Variants in THRB observed in about 807,000 individuals in gnomAD.
THRB encodes thyroid hormone receptor beta.
Under a neutral mutation model 47.8 loss-of-function variants are expected in THRB, and 12 were observed. The ratio of observed to expected loss-of-function variants is 0.25; its 90% confidence interval spans 0.16 to 0.41. The LOEUF (loss-of-function observed/expected upper bound fraction) is 0.41. Ranked by LOEUF, THRB falls within the 10% of genes least tolerant of loss-of-function variation. The probability of loss-of-function intolerance (pLI) is 1.00; values close to 1 mark genes in which losing one functional copy is unlikely to be tolerated. For synonymous variants in THRB, 218 were observed against 212.2 expected, an observed-to-expected ratio of 1.03 and a Z score of -0.24; for missense variants, 348 against 589.2, an observed-to-expected ratio of 0.59 and a Z score of 4.24.
chr3:24,289,006 C>T (rs2055635708), intron 3 of THRB, among the ~76,000 whole-genome samples: 2 of 152,108 alleles, frequency 1.3e-5, no homozygotes, highest in African/African-American at 4.8e-5. Context: ...GGAAATAAAG[C>T]CCTTCTGATT....
intron 3 of THRB, among the ~76,000 whole-genome samples, chr3:24,245,757 A>G (rs1308713411): frequency 6.6e-6 from 1 of 152,122 alleles, no homozygotes; most frequent in Non-Finnish European, 1.5e-5. Flanking sequence ...TACTAAAAAT[A>G]CAAAAATTAG....
chr3:24,341,447 T>C (rs1461717979), intron 1 of THRB, among the ~76,000 whole-genome samples: 1 of 152,038 alleles, frequency 6.6e-6, no homozygotes, highest in Non-Finnish European at 1.5e-5. Flanking sequence ...TTGCCCAGGC[T>C]GGTCTCGAAC....
At chr3:24,361,030 G>C (rs1362217471) in intron 1 of THRB, among the ~76,000 whole-genome samples, 1 of 152,066 alleles carries the variant, frequency 6.6e-6, no homozygotes, top group Non-Finnish European at 1.5e-5. Context: ...GGAGAAATTT[G>C]GGCAGAGGAA....
At chr3:24,410,516 C>T (rs2068200886) in intron 1 of THRB, among the ~76,000 whole-genome samples, 1 of 151,676 alleles carries the variant, frequency 6.6e-6, no homozygotes, top group African/African-American at 2.4e-5. Context: ...CTGTAAATAC[C>T]CCTTTGACAA....
chr3:24,432,861 G>T (rs574425258), intron 1 of THRB, among the ~76,000 whole-genome samples: 6 of 151,916 alleles, frequency 3.9e-5, no homozygotes, highest in South Asian at 2.1e-4. Context: ...GCCTATTACA[G>T]TCCAACAATT....
At chr3:24,352,011 G>A (rs543305717) in intron 1 of THRB, among the ~76,000 whole-genome samples, 3 of 152,260 alleles carry the variant, frequency 2.0e-5, no homozygotes, top group South Asian at 2.1e-4. Context: ...AATGAAGAAT[G>A]GTGTGAGCAT....
chr3:24,235,024 A>T (rs368722728), intron 3 of THRB, among the ~76,000 whole-genome samples: 1 of 152,242 alleles, frequency 6.6e-6, no homozygotes, highest in Non-Finnish European at 1.5e-5. Context: ...GCCCTGCTGC[A>T]GTGTGGAGGA....
chr3:24,320,013 C>T (rs574810407), intron 2 of THRB, among the ~76,000 whole-genome samples: 18 of 152,200 alleles, frequency 1.2e-4, no homozygotes, highest in Admixed American at 3.3e-4. Context: ...ATCCCAGCTA[C>T]GCTCTCTATT....
chr3:24,328,137 G>A (rs1009901466), intron 2 of THRB, among the ~76,000 whole-genome samples: 1 of 152,086 alleles, frequency 6.6e-6, no homozygotes, highest in Non-Finnish European at 1.5e-5. Context: ...ATGTTGGCGA[G>A]GCCATAGGGA....
chr3:24,118,490 A>T lies in THRB; in HGVS notation c.*4394T>A, dbSNP rs920772691. 1.3e-5 allele frequency: 2 copies of T among 152,562 alleles called. No homozygotes were observed. Among genetic ancestry groups the T allele is most frequent in the Admixed American group, 1.3e-4 (2 of 15,268 alleles). 9.5% of individuals were successfully genotyped at this position (152,562 alleles called of 1,614,324 possible). On this transcript the variant is annotated 3_prime_UTR_variant, in exon 11 of 11. Coordinates refer to ENST00000646209, the MANE Select transcript of THRB (RefSeq NM_001354712.2). ...TGTAAATCTTTTTCTATTCTGTAGT[A>T]TTTTTCTGATTCTCAGGGCATGAAA...
rs1458637582 is a variant in THRB, at chr3:24,363,161, CTG to C, written c.-260-25792_-260-25791del. Among the ~76,000 whole-genome samples the C allele has an allele frequency of 2.6e-5, 4 of 152,174 alleles. No homozygotes were observed. The East Asian group carries it at 7.7e-4, about 29-fold the overall frequency. On this transcript the variant is annotated intron_variant, in intron 1 of 10. Transcript: ENST00000646209. ...GGGAAATAAATCAAGGCTTAGCAAA[CTG>C]TATTTCCTTGGGGGTAAATAAGTCA...
intron 1 of THRB, chr3:24,459,295 C>T (rs916562941): frequency 6.6e-6 from 1 of 152,202 alleles, no homozygotes; most frequent in Non-Finnish European, 1.5e-5. Context: ...GACATGAACT[C>T]ATCCTTTTTA....
intron 9 of THRB, among the ~76,000 whole-genome samples, chr3:24,128,553 T>C (rs2033293638): frequency 1.3e-5 from 2 of 152,258 alleles, no homozygotes; most frequent in African/African-American, 4.8e-5. Context: ...AATTTTATTT[T>C]CTGGAAGGGG....
chr3:24,209,821 TAAA>T (rs1002094830), intron 4 of THRB, among the ~76,000 whole-genome samples: 2 of 150,954 alleles, frequency 1.3e-5, no homozygotes, highest in East Asian at 3.9e-4. Flanking sequence ...CTTAAAATAT[TAAA>T]AAAAAATGAC....
chr3:24,365,159 A>G lies in THRB; in HGVS notation c.-260-27788T>C, dbSNP rs971476151. On this transcript the variant is annotated intron_variant, in intron 1 of 10. Coordinates refer to ENST00000646209, the MANE Select transcript of THRB (RefSeq NM_001354712.2). ...TTATTAGCCTGGTCATTTCTTATCC[A>G]GGAACATAATTTCCTGCCTTATTCA... Among the ~76,000 whole-genome samples the G allele has an allele frequency of 2.0e-5, 3 of 152,306 alleles. No individual in the cohort carries two copies. The South Asian group carries it at 6.2e-4, about 32-fold the overall frequency.
chr3:24,211,146 G>A (rs887676937), intron 4 of THRB, among the ~76,000 whole-genome samples: 2 of 146,166 alleles, frequency 1.4e-5, no homozygotes, highest in South Asian at 2.1e-4. Flanking sequence ...GGTGCAGTAA[G>A]CTAAGATCGC....
chr3:24,164,507 A>C (rs932860541), intron 5 of THRB, among the ~76,000 whole-genome samples: 2 of 152,202 alleles, frequency 1.3e-5, no homozygotes, highest in African/African-American at 4.8e-5. Context: ...AAATACATTA[A>C]AATGAACATT....
intron 2 of THRB, among the ~76,000 whole-genome samples, chr3:24,307,771 C>T (rs1387186898): frequency 6.6e-6 from 1 of 152,250 alleles, no homozygotes; most frequent in East Asian, 1.9e-4. Flanking sequence ...CTTAAAGGGT[C>T]CTTCAAGAAT....
chr3:24,221,417 T>G (rs528569977), intron 4 of THRB, among the ~76,000 whole-genome samples: 1 of 152,152 alleles, frequency 6.6e-6, no homozygotes, highest in Non-Finnish European at 1.5e-5. Flanking sequence ...AAAAGTTAGG[T>G]AGAGATGTGC....
Sources: allele counts gnomAD v4.1 joint callset (sites outside exome capture counted in the v4.1 genomes callset), GRCh38; gene constraint gnomAD v4.1.1; transcripts MANE v1.5; gene names NCBI Gene and HGNC (gene_info 2026-07-23, HGNC 2026-07-21).